MICAL2: variants seen among roughly 807,000 people sequenced by gnomAD.
MICAL2 encodes [F-actin]-monooxygenase MICAL2.
Under a neutral mutation model 127.3 loss-of-function variants are expected in MICAL2, and 77 were observed. The ratio of observed to expected loss-of-function variants is 0.60; its 90% CI spans 0.50 to 0.73. The LOEUF (loss-of-function observed/expected upper bound fraction) is 0.73, where lower values mean the gene tolerates loss of function less well. Among genes scored for constraint, MICAL2 ranks in the 30% least tolerant of loss-of-function variants. MICAL2 has a pLI of 0.00. For synonymous variants in MICAL2, 570 were observed against 551.1 expected (o/e 1.03, Z -0.48); for missense variants, 1,351 against 1,434.4 (o/e 0.94, Z 0.94).
chr11:12,310,096 T>C (rs1590732250), intron 29 of MICAL2, among the ~76,000 whole-genome samples: 1 of 152,236 alleles, frequency 6.6e-6, no homozygotes, highest in South Asian at 2.1e-4. Context: ...AGATGGATAC[T>C]CTGCAAACAT....
At chr11:12,202,017 G>C (rs1214375348) in intron 3 of MICAL2, among the ~76,000 whole-genome samples, 2 of 152,138 alleles carry the variant, frequency 1.3e-5, no homozygotes, top group Non-Finnish European at 2.9e-5. Context: ...AGCTACTCAG[G>C]AGGCTGAGGC....
intron 3 of MICAL2, among the ~76,000 whole-genome samples, chr11:12,180,561 G>A (rs1027770719): frequency 3.9e-5 from 6 of 152,182 alleles, no homozygotes; most frequent in African/African-American, 1.4e-4. Context: ...CATCACAATA[G>A]TATAAAGCTT....
At chr11:12,120,931 G>A (rs1029204184) in intron 1 of MICAL2, among the ~76,000 whole-genome samples, 1 of 152,238 alleles carries the variant, frequency 6.6e-6, no homozygotes, top group African/African-American at 2.4e-5. Flanking sequence ...GGACTGAGGA[G>A]GGCTGTGGGG....
intron 26 of MICAL2, chr11:12,261,788 G>A (rs954679098): frequency 2.0e-6 from 2 of 985,406 alleles, no homozygotes; most frequent in African/African-American, 3.5e-5. Context: ...CTCTGTCCTT[G>A]TTGGCACTGT....
chr11:12,259,634 C>A (rs1332141963), intron 25 of MICAL2, 161 bp from the exon 26 acceptor site: 1 of 582,632 alleles, frequency 1.7e-6, no homozygotes, highest in Non-Finnish European at 2.8e-6. Flanking sequence ...AGAAAAGTGC[C>A]CGTGTTCAGC....
At chr11:12,280,597 C>CTT (rs895691068) in intron 1 of MICAL2, among the ~76,000 whole-genome samples, 36 of 152,124 alleles carry the variant, frequency 2.4e-4, no homozygotes, top group African/African-American at 8.2e-4. Flanking sequence ...CCTTCTGTGC[C>CTT]TGTGTGTGTC....
downstream of MICAL2, among the ~76,000 whole-genome samples, chr11:12,268,178 T>A (rs1053071643): frequency 2.0e-5 from 3 of 152,166 alleles, no homozygotes; most frequent in African/African-American, 7.2e-5. Context: ...GGAAGAGAAG[T>A]CTGACATTGT....
intron 3 of MICAL2, among the ~76,000 whole-genome samples, chr11:12,171,356 A>T (rs1856230196): frequency 6.6e-6 from 1 of 152,198 alleles, no homozygotes; most frequent in Non-Finnish European, 1.5e-5. Flanking sequence ...ACCATGAAGC[A>T]GTTTAACGCT....
chr11:12,111,166 G>T (rs758135770), intron 1 of MICAL2, among the ~76,000 whole-genome samples: 3 of 152,170 alleles, frequency 2.0e-5, no homozygotes, highest in African/African-American at 4.8e-5. Context: ...TTCACTGGGC[G>T]CCCTTTTCCC....
intron 4 of MICAL2, among the ~76,000 whole-genome samples, chr11:12,205,984 A>T (rs944434821): frequency 6.6e-6 from 1 of 152,216 alleles, no homozygotes; most frequent in East Asian, 1.9e-4. Context: ...TATCAGTCAC[A>T]TAGGGTATAA....
At position 12,283,330 on chromosome 11, in the gene MICAL2, G is replaced by T. The variant is rs1282268709; in HGVS notation, c.254+2231G>T. Among the ~76,000 whole-genome samples, 12 of 136,564 alleles carry T rather than the reference G, an allele frequency of 8.8e-5. 1 individual carries two copies. Among genetic ancestry groups the T allele is most frequent in the African/African-American group, 3.4e-4 (12 of 34,888 alleles). 89.6% of individuals were successfully genotyped at this position (136,564 alleles called of 152,430 possible). A position where few individuals can be genotyped will look rare whatever the true frequency, so the allele number is the denominator to read the frequency against. On this transcript the variant is annotated intron_variant, in intron 2 of 2. Transcript: ENST00000529028. ...TATTGCTTTGAAAAGACTCCTGGTT[G>T]CAGTGTGGAGTTTAAAAAAAAAAAA... is the stretch of plus-strand genomic sequence containing the variant.
chr11:12,155,697 T>C (rs1360473603), intron 2 of MICAL2, among the ~76,000 whole-genome samples: 1 of 152,128 alleles, frequency 6.6e-6, no homozygotes, highest in African/African-American at 2.4e-5. Context: ...AGAATAAAAA[T>C]GAAAAAAGAA....
intron 5 of MICAL2, 55 bp downstream of exon 5, chr11:12,208,194 TC>T: frequency 7.3e-7 from 1 of 1,366,788 alleles, no homozygotes; most frequent in Non-Finnish European, 1.0e-6. Context: ...AAATAGAAAT[TC>T]CACTTGCTGC....
chr11:12,183,656 T>C (rs943130808), intron 3 of MICAL2, among the ~76,000 whole-genome samples: 2 of 152,192 alleles, frequency 1.3e-5, no homozygotes, highest in African/African-American at 2.4e-5. Context: ...ACTGTTGACA[T>C]AGACTACCCT....
intron 2 of MICAL2, among the ~76,000 whole-genome samples, chr11:12,155,439 TACACACATGC>T (rs1209643633): frequency 6.6e-6 from 1 of 152,114 alleles, no homozygotes; most frequent in Non-Finnish European, 1.5e-5. Flanking sequence ...CATGCATATA[TACACACATGC>T]ACACATATAC....
chr11:12,138,494 G>T (rs1110007), intron 2 of MICAL2, 34 bp downstream of exon 2: 49,824 of 152,112 alleles, frequency 0.33, 8,791 homozygotes, highest in East Asian at 0.47. Context: ...CTTGTTTACC[G>T]TGGAGTAGCT....
rs747883490 is a variant in MICAL2 at position 12,220,468 on chromosome 11, G to A, written c.1206+10G>A. 1.2e-5 allele frequency: 20 copies of A among 1,604,198 alleles called. No homozygotes were observed. Among genetic ancestry groups the A allele is most frequent in the Non-Finnish European group, 1.6e-5 (19 of 1,179,274 alleles). On this transcript the variant is annotated intron_variant, in intron 9 of 27. Transcript: ENST00000683283. Reference sequence around the variant, plus strand: ...TGACAGCTTGCTTGAGGTACTGCCTGAGCTCGGAGCCCCCATGTTTCTCTG... The same window carrying A: ...TGACAGCTTGCTTGAGGTACTGCCTAAGCTCGGAGCCCCCATGTTTCTCTG...
chr11:12,281,634 G>T (rs1247596899), intron 2 of MICAL2, among the ~76,000 whole-genome samples: 2 of 152,200 alleles, frequency 1.3e-5, no homozygotes, highest in African/African-American at 4.8e-5. Flanking sequence ...CTGCATACCT[G>T]TAATGGGCCA....
At chr11:12,271,474 G>T (rs529525788), upstream of MICAL2, among the ~76,000 whole-genome samples, 1 of 152,142 alleles carries the variant, frequency 6.6e-6, no homozygotes, top group Non-Finnish European at 1.5e-5. Context: ...GCCCAGCTGC[G>T]GTGATACCCA....
Sources: allele counts gnomAD v4.1 joint callset (sites outside exome capture counted in the v4.1 genomes callset), GRCh38; gene constraint gnomAD v4.1.1; transcripts MANE v1.5; gene names NCBI Gene and HGNC (gene_info 2026-07-23, HGNC 2026-07-21).